Variants in FAM168A observed in about 807,000 individuals in gnomAD.
FAM168A encodes the protein protein FAM168A.
A neutral mutation model predicts 28.5 loss-of-function variants in FAM168A; 3 were observed. The ratio of observed to expected loss-of-function variants is 0.11; its 90% CI spans 0.05 to 0.27. The LOEUF is 0.27. Ranked by LOEUF, FAM168A falls within the 10% of genes least tolerant of loss-of-function variation. The pLI, the probability that FAM168A is intolerant of heterozygous loss-of-function variation, is 1.00. For synonymous variants in FAM168A, 122 were observed against 124.2 expected (o/e 0.98, Z 0.12); for missense variants, 222 against 311.5 (o/e 0.71, Z 2.16).
At chr11:73,445,843 C>CA (rs1867302825) in intron 2 of FAM168A, among the ~76,000 whole-genome samples, 1 of 152,120 alleles carries the variant, frequency 6.6e-6, no homozygotes, top group South Asian at 2.1e-4. Flanking sequence ...ATCTCTGTTT[C>CA]CTCATCTGCA....
intron 2 of FAM168A, among the ~76,000 whole-genome samples, chr11:73,459,181 T>TCAAGCAACCCTCC (rs1178984029): frequency 6.6e-6 from 1 of 151,802 alleles, no homozygotes; most frequent in African/African-American, 2.4e-5. Context: ...CCTCCTGGGC[T>TCAAGCAACCCTCC]CAAGCAACCC....
At chr11:73,475,271 C>T (rs1028111651) in intron 1 of FAM168A, among the ~76,000 whole-genome samples, 1 of 151,928 alleles carries the variant, frequency 6.6e-6, no homozygotes, top group Admixed American at 6.6e-5. Context: ...GAAAAATTTA[C>T]CATTTGAAAA....
intron 1 of FAM168A, among the ~76,000 whole-genome samples, chr11:73,487,088 G>T (rs1346810111): frequency 6.6e-6 from 1 of 152,038 alleles, no homozygotes; most frequent in Non-Finnish European, 1.5e-5. Flanking sequence ...CTCAGCTGGG[G>T]ATATTATTTT....
chr11:73,586,106 A>T (rs1390738041), intron 1 of FAM168A, among the ~76,000 whole-genome samples: 3 of 152,144 alleles, frequency 2.0e-5, no homozygotes, highest in Non-Finnish European at 4.4e-5. Flanking sequence ...AGTATCAGGG[A>T]TATACAAATA....
intron 1 of FAM168A, among the ~76,000 whole-genome samples, chr11:73,482,378 C>G (rs184784382): frequency 2.4e-4 from 36 of 151,862 alleles, no homozygotes; most frequent in African/African-American, 8.7e-4. Flanking sequence ...AGATGAACAA[C>G]TGGATAGAAA....
intron 1 of FAM168A, among the ~76,000 whole-genome samples, chr11:73,511,338 G>A (rs960786071): frequency 2.6e-5 from 4 of 151,810 alleles, no homozygotes; most frequent in Admixed American, 6.6e-5. Context: ...CTGGGTTCCC[G>A]CCATTCTCCT....
intron 1 of FAM168A, among the ~76,000 whole-genome samples, chr11:73,591,638 T>C (rs934392703): frequency 3.9e-5 from 6 of 152,108 alleles, no homozygotes; most frequent in African/African-American, 7.2e-5. Flanking sequence ...GCCTCCAAAA[T>C]AGCTATGAAC....
intron 1 of FAM168A, among the ~76,000 whole-genome samples, chr11:73,565,423 A>G (rs1308124200): frequency 6.6e-6 from 1 of 152,198 alleles, no homozygotes; most frequent in Admixed American, 6.5e-5. Flanking sequence ...TCATTGAGAC[A>G]GGAGGTAAAT....
At chr11:73,487,566 C>T (rs927546524) in intron 1 of FAM168A, among the ~76,000 whole-genome samples, 8 of 152,120 alleles carry the variant, frequency 5.3e-5, no homozygotes, top group Admixed American at 1.3e-4. Flanking sequence ...TATCATAATT[C>T]CTGGTAATTT....
intron 2 of FAM168A, among the ~76,000 whole-genome samples, chr11:73,447,659 C>T (rs1590783923): frequency 6.6e-6 from 1 of 151,678 alleles, no homozygotes; most frequent in African/African-American, 2.4e-5. Flanking sequence ...TTATATGTCC[C>T]ACATGGGAGT....
At chr11:73,582,365 C>CA (rs938044919) in intron 1 of FAM168A, among the ~76,000 whole-genome samples, 8 of 151,418 alleles carry the variant, frequency 5.3e-5, no homozygotes, top group South Asian at 2.1e-4. Flanking sequence ...ACTAAAAATA[C>CA]AAAAAAAATT....
chr11:73,582,699 G>A (rs1169588358), intron 1 of FAM168A, among the ~76,000 whole-genome samples: 2 of 152,166 alleles, frequency 1.3e-5, no homozygotes, highest in African/African-American at 4.8e-5. Context: ...AATTAAAACT[G>A]ACCAAAGGTT....
chr11:73,588,799 G>C (rs1944347328), intron 1 of FAM168A, among the ~76,000 whole-genome samples: 1 of 152,142 alleles, frequency 6.6e-6, no homozygotes, highest in Non-Finnish European at 1.5e-5. Flanking sequence ...CACATCCTTT[G>C]GGAGATAATT....
Position 73,403,507 on chromosome 11 carries a change from G to A in FAM168A, c.*3256C>T, listed in dbSNP as rs1316790110. 6.6e-6 allele frequency: 1 copy of A among 152,210 alleles called. No individual in the cohort carries two copies. The highest frequency in any genetic ancestry group is 1.9e-4 in the East Asian group (1 of 5,198). The allele number at this position is 152,210 out of a possible 1,614,324, so 9.4% of individuals were successfully genotyped here. ...CCAGTGCTGTAGCTCACTGTCAGGC[G>A]GCTACATCCCTTGTCCTCTCTTGCT... On this transcript the variant is annotated 3_prime_UTR_variant, in exon 8 of 8. Transcript: ENST00000356467.
At chr11:73,414,023 A>C (rs1866659534) in intron 4 of FAM168A, among the ~76,000 whole-genome samples, 1 of 152,220 alleles carries the variant, frequency 6.6e-6, no homozygotes, top group African/African-American at 2.4e-5. Context: ...TGATCACAAC[A>C]CTGTACTTCA....
intron 1 of FAM168A, among the ~76,000 whole-genome samples, chr11:73,528,210 G>C (rs1400966590): frequency 6.6e-6 from 1 of 152,286 alleles, no homozygotes; most frequent in Admixed American, 6.5e-5. Context: ...GTTCGAACCA[G>C]AGCGACTCCA....
At chr11:73,416,481 G>C (rs73542979) in intron 4 of FAM168A, among the ~76,000 whole-genome samples, 12,404 of 152,244 alleles carry the variant, frequency 0.081, 651 homozygotes, top group Non-Finnish European at 0.11. Context: ...AAGTGAGACA[G>C]TGATGAATCA....
chr11:73,534,734 T>C (rs2134668614), intron 1 of FAM168A, among the ~76,000 whole-genome samples: 1 of 152,244 alleles, frequency 6.6e-6, no homozygotes, highest in South Asian at 2.1e-4. Flanking sequence ...GAAAGCATGC[T>C]AAAATCAGGG....
At chr11:73,434,858 T>C (rs1294310281) in intron 2 of FAM168A, among the ~76,000 whole-genome samples, 1 of 152,218 alleles carries the variant, frequency 6.6e-6, no homozygotes, top group African/African-American at 2.4e-5. Flanking sequence ...TGGCAATAGA[T>C]GTGGGATTCA....
Sources: allele counts gnomAD v4.1 joint callset (sites outside exome capture counted in the v4.1 genomes callset), GRCh38; gene constraint gnomAD v4.1.1; transcripts MANE v1.5; gene names NCBI Gene and HGNC (gene_info 2026-07-23, HGNC 2026-07-21).